The following ABCA12 variants were observed in gnomAD, a reference collection of about 807,000 sequenced individuals.
The protein encoded by ABCA12 is glucosylceramide transporter ABCA12.
Under a neutral mutation model 293.5 loss-of-function variants are expected in ABCA12, and 156 were observed. The ratio of observed to expected loss-of-function variants is 0.53; its 90% confidence interval spans 0.47 to 0.61. ABCA12 has a LOEUF of 0.61. Among genes scored for constraint, ABCA12 ranks in the 20% least tolerant of loss-of-function variants. ABCA12 has a pLI of 0.00. For missense variants in ABCA12, 2,797 were observed against 3,090.2 expected (o/e 0.91, Z 2.25); for synonymous variants, 1,063 against 1,108.0 (o/e 0.96, Z 0.81).
Position 214,945,075 on chromosome 2 carries a change from C to T in ABCA12, c.7269G>A (p.Lys2423=), listed in dbSNP as rs1248260000. The part of the protein sequence containing the change: ...LDEPSSGMDP[K]SKRHLWKIIS... ...TGATCTTCCAGAGGTGCCGTTTCGA[C>T]TTCGGATCCATGCCAGAGCTCGGCT... is the stretch of plus-strand genomic sequence containing the variant. Residue 2423 remains lysine, a synonymous_variant, in exon 49 of 53, where the codon AAG becomes AAA. Coordinates refer to ENST00000272895, the MANE Select transcript of ABCA12 (RefSeq NM_173076.3). 3.5e-5 allele frequency: 57 copies of T among 1,613,572 alleles called. No individual in the cohort carries two copies. Among genetic ancestry groups the T allele is most frequent in the Non-Finnish European group, 4.7e-5 (55 of 1,179,878 alleles).
intron 2 of ABCA12, among the ~76,000 whole-genome samples, chr2:215,100,160 A>C (rs9288505): frequency 0.18 from 27,353 of 151,948 alleles, 2,961 homozygotes; most frequent in African/African-American, 0.28. Context: ...CACCACAGGC[A>C]CATACCACCA....
At chr2:214,969,639 TATC>T (rs1184732202) in intron 37 of ABCA12, among the ~76,000 whole-genome samples, 2 of 152,254 alleles carry the variant, frequency 1.3e-5, no homozygotes, top group East Asian at 3.9e-4. Context: ...TACACCAAAA[TATC>T]AATAGTGCTT....
Position 214,966,884 on chromosome 2 carries a change from G to A in ABCA12, c.5848C>T (p.Arg1950Ter), listed in dbSNP as rs375437551. ...YLNSLNNFLL[R>*]VNMSKYDAAR... is the part of the protein sequence containing the mutation. Reference sequence around the variant, plus strand: ...GCATCGTATTTTGACATGTTAACTCGCAGAAGGAAATTATTCAGGCTGTTG... The same window carrying A: ...GCATCGTATTTTGACATGTTAACTCACAGAAGGAAATTATTCAGGCTGTTG... Residue 1950 changes from arginine (R) to a stop codon, truncating the protein, a stop_gained, in exon 39 of 53, where the codon CGA (arginine) becomes TGA (stop). Coordinates refer to ENST00000272895, the MANE Select transcript of ABCA12 (RefSeq NM_173076.3). LOFTEE classifies it high-confidence loss of function. 5 of 1,613,630 alleles carry A rather than the reference G, an allele frequency of 3.1e-6. No individual in the cohort carries two copies. Among genetic ancestry groups the A allele is most frequent in the East Asian group, 2.2e-5 (1 of 44,860 alleles).
Position 215,011,970 on chromosome 2 carries a change from C to T in ABCA12, c.2121+1G>A. The T allele has an allele frequency of 1.2e-6, 2 of 1,612,222 alleles. No individual in the cohort carries two copies. The highest frequency in any genetic ancestry group is 1.3e-5 in the African/African-American group (1 of 74,650). On this transcript the variant is annotated splice_donor_variant, in intron 16 of 52. Coordinates refer to ENST00000272895, the MANE Select transcript of ABCA12 (RefSeq NM_173076.3). LOFTEE classifies it high-confidence loss of function. ...AGAACATTACTGGGTGACTTTGCTA[C>T]CTGTGTTAATGGAACACTTCTGGGC...
chr2:215,027,094 T>C (rs1045719976), intron 9 of ABCA12, among the ~76,000 whole-genome samples, 156 bp from the exon 10 acceptor site: 3 of 152,146 alleles, frequency 2.0e-5, no homozygotes, highest in Admixed American at 1.3e-4. Flanking sequence ...CCTGTAATCC[T>C]AGCACTTCGG....
At chr2:215,033,399 T>C (rs1700920693) in intron 8 of ABCA12, among the ~76,000 whole-genome samples, 1 of 152,202 alleles carries the variant, frequency 6.6e-6, no homozygotes, top group Admixed American at 6.5e-5. Context: ...TAATACTATG[T>C]GGTTATAGAG....
chr2:214,985,826 A>T (rs908342410), intron 28 of ABCA12, among the ~76,000 whole-genome samples: 1 of 152,258 alleles, frequency 6.6e-6, no homozygotes, highest in Non-Finnish European at 1.5e-5. Context: ...TGACTCAGCA[A>T]CTAAGTGAAT....
chr2:215,109,598 T>C (rs1702529806), intron 2 of ABCA12, among the ~76,000 whole-genome samples: 1 of 152,192 alleles, frequency 6.6e-6, no homozygotes, highest in African/African-American at 2.4e-5. Context: ...CAAAAAGTTA[T>C]TCATCTCCTC....
chr2:215,005,136 A>C (rs1459798785), intron 19 of ABCA12, among the ~76,000 whole-genome samples: 1 of 152,218 alleles, frequency 6.6e-6, no homozygotes, highest in Admixed American at 6.5e-5. Flanking sequence ...TTACAACAAC[A>C]CTTTGAGGTA....
At chr2:214,956,225 A>G (rs1698944101) in intron 42 of ABCA12, among the ~76,000 whole-genome samples, 2 of 152,224 alleles carry the variant, frequency 1.3e-5, no homozygotes, top group Non-Finnish European at 1.5e-5. Flanking sequence ...AGATAGAAAC[A>G]ATATTATGTG....
At chr2:215,059,086 G>T (rs1701477634) in intron 3 of ABCA12, among the ~76,000 whole-genome samples, 1 of 151,992 alleles carries the variant, frequency 6.6e-6, no homozygotes, top group South Asian at 2.1e-4. Flanking sequence ...ATCCTGGAAA[G>T]AAAATTCTGA....
Position 214,980,581 on chromosome 2 carries a change from C to T in ABCA12, c.4642G>A (p.Ala1548Thr), listed in dbSNP as rs754893598. 1.9e-6 allele frequency: 3 copies of T among 1,613,880 alleles called. No homozygotes were observed. The highest frequency in any genetic ancestry group is 2.7e-5 in the African/African-American group (2 of 74,876). Residue 1548 changes from alanine (A) to threonine (T), a missense_variant, in exon 31 of 53, where the codon GCC becomes ACC. Transcript: ENST00000272895. ...DEAEVLSDRI[A>T]FLEQGGLRCC... ...CTAAGCCCACCCTGCTCCAGGAAGGCGATGCGGTCACTCAGCACTTCAGCC... is the reference window on the plus strand; with the variant it reads ...CTAAGCCCACCCTGCTCCAGGAAGGTGATGCGGTCACTCAGCACTTCAGCC...
At chr2:214,980,748 C>A in intron 30 of ABCA12, 105 bp from the exon 31 acceptor site, 1 of 1,433,694 alleles carries the variant, frequency 7.0e-7, no homozygotes, top group Admixed American at 1.8e-5. Context: ...AGAAGAGTCA[C>A]ATTTCATGAG....
At chr2:215,027,102 C>T (rs1350029518) in intron 9 of ABCA12, among the ~76,000 whole-genome samples, 164 bp from the exon 10 acceptor site, 7 of 152,080 alleles carry the variant, frequency 4.6e-5, no homozygotes, top group Non-Finnish European at 1.0e-4. Context: ...CCTAGCACTT[C>T]GGGAGGCCGA....
chr2:215,099,562 G>A (rs780263067), intron 2 of ABCA12, among the ~76,000 whole-genome samples: 6 of 151,934 alleles, frequency 3.9e-5, no homozygotes, highest in South Asian at 2.1e-4. Flanking sequence ...GCACGGTGGC[G>A]TATGCCTGTA....
Position 215,078,990 on chromosome 2 carries a change from T to C in ABCA12, c.164-14771A>G, listed in dbSNP as rs546456671. On this transcript the variant is annotated intron_variant, in intron 2 of 52. Coordinates refer to ENST00000272895, the MANE Select transcript of ABCA12 (RefSeq NM_173076.3). ...AGCACATGATCTAGGTAACATGGTATATTTTGCCTCTTCCCTCTTGTCCTT... is the reference window on the plus strand; with the variant it reads ...AGCACATGATCTAGGTAACATGGTACATTTTGCCTCTTCCCTCTTGTCCTT... Among the ~76,000 whole-genome samples the C allele has an allele frequency of 6.2e-4, 94 of 152,220 alleles. 2 individuals are homozygous for C. The highest frequency in any genetic ancestry group is 9.7e-4 in the Non-Finnish European group (66 of 68,030).
chr2:215,138,374 G>A lies in ABCA12; in HGVS notation c.-166C>T. ...AACCCACAGTTCTTCTGTTTCTGCT[G>A]GATTTTTCCCTGTGGTTAATCCTTA... On this transcript the variant is annotated 5_prime_UTR_variant, in exon 1 of 53. Transcript: ENST00000272895. 1.4e-6 allele frequency: 1 copy of A among 731,562 alleles called. No individual in the cohort carries two copies. 45.3% of individuals were successfully genotyped at this position (731,562 alleles called of 1,614,324 possible). A position where few individuals can be genotyped will look rare whatever the true frequency, so the allele number is the denominator to read the frequency against.
chr2:215,053,253 T>C (rs1292545610), intron 4 of ABCA12, among the ~76,000 whole-genome samples: 1 of 152,122 alleles, frequency 6.6e-6, no homozygotes, highest in Admixed American at 6.6e-5. Flanking sequence ...ATAACATGGA[T>C]GTTCATTAAG....
chr2:215,092,123 T>A (rs1575038369), intron 2 of ABCA12, among the ~76,000 whole-genome samples: 1 of 152,278 alleles, frequency 6.6e-6, no homozygotes, highest in Middle Eastern at 3.4e-3. Flanking sequence ...TTTTGGTAAC[T>A]CTTACAGTGG....
Sources: allele counts gnomAD v4.1 joint callset (sites outside exome capture counted in the v4.1 genomes callset), GRCh38; gene constraint gnomAD v4.1.1; transcripts MANE v1.5; gene names NCBI Gene and HGNC (gene_info 2026-07-23, HGNC 2026-07-21).